Variants in TATDN1 observed in about 807,000 individuals in gnomAD.
The protein encoded by TATDN1 is deoxyribonuclease TATDN1.
TATDN1 carries 40 observed loss-of-function variants against 46.4 expected under a neutral mutation model. The observed-to-expected ratio is 0.86, with a 90% CI of 0.67 to 1.12. The LOEUF (loss-of-function observed/expected upper bound fraction) is 1.12. TATDN1 is among the 50% of genes most tolerant of loss of function. The pLI is 0.00. For missense variants in TATDN1, 326 were observed against 348.4 expected, an observed-to-expected ratio of 0.94 and a Z score of 0.51; for synonymous variants, 95 against 105.6, an observed-to-expected ratio of 0.90 and a Z score of 0.62.
At chr8:124,493,800 T>C (rs772326249) in intron 11 of TATDN1, 33 bp downstream of exon 11, 5 of 1,565,824 alleles carry the variant, frequency 3.2e-6, no homozygotes, top group Non-Finnish European at 3.4e-6. Context: ...GGTTAACTAA[T>C]GATTTTGAAG....
intron 1 of TATDN1, among the ~76,000 whole-genome samples, chr8:124,533,530 G>A (rs1001021832): frequency 6.6e-6 from 1 of 152,120 alleles, no homozygotes; most frequent in Non-Finnish European, 1.5e-5. Context: ...CTGTCATGGT[G>A]AAACTGCAAA....
intron 1 of TATDN1, among the ~76,000 whole-genome samples, chr8:124,524,168 ACACAC>A (rs939204340): frequency 2.6e-5 from 4 of 152,160 alleles, no homozygotes; most frequent in African/African-American, 9.7e-5. Flanking sequence ...CACCAATAAG[ACACAC>A]CTTGAAAGTG....
chr8:124,510,063 A>G (rs940014235), intron 6 of TATDN1, among the ~76,000 whole-genome samples: 1 of 151,998 alleles, frequency 6.6e-6, no homozygotes, highest in Non-Finnish European at 1.5e-5. Context: ...AATTAAAAAA[A>G]TAGAAATAGT....
At position 124,533,209 on chromosome 8, in the gene TATDN1, G is replaced by A. The variant is rs572387260; in HGVS notation, c.22+5816C>T. 5.3e-5 allele frequency among the ~76,000 whole-genome samples: 8 copies of A among 151,092 alleles called. No homozygotes were observed. In the South Asian group the frequency reaches 1.7e-3, roughly 32 times the overall value. On this transcript the variant is annotated intron_variant, in intron 1 of 11. Transcript: ENST00000276692. ...GGAGCTTGCAGTGAGCCAAGATGGC[G>A]CCACTGCACTACAGCCTGGGCGACA...
chr8:124,507,965 G>A (rs1294648080), intron 8 of TATDN1, among the ~76,000 whole-genome samples: 3 of 152,112 alleles, frequency 2.0e-5, no homozygotes, highest in Non-Finnish European at 4.4e-5. Flanking sequence ...GTCTTTCAAA[G>A]GATGGGAAAA....
In TATDN1 at chr8:124,533,035, G is replaced by A. The variant is rs771989794; in HGVS notation, c.22+5990C>T. Among the ~76,000 whole-genome samples the A allele has an allele frequency of 2.6e-5, 4 of 152,136 alleles. No homozygotes were observed. In the South Asian group the frequency reaches 6.2e-4, roughly 24 times the overall value. On this transcript the variant is annotated intron_variant, in intron 1 of 11. Coordinates refer to ENST00000276692, the MANE Select transcript of TATDN1 (RefSeq NM_032026.4). Reference sequence around the variant, plus strand: ...TAGGAGGCCGAGGTGGGCAGATGACGAGGTCAGGAGATCGAGACCGTCCTG... The same window carrying A: ...TAGGAGGCCGAGGTGGGCAGATGACAAGGTCAGGAGATCGAGACCGTCCTG...
At chr8:124,517,281 A>G (rs955481555) in intron 4 of TATDN1, among the ~76,000 whole-genome samples, 2 of 152,056 alleles carry the variant, frequency 1.3e-5, no homozygotes, top group African/African-American at 2.4e-5. Context: ...TACAAAAATT[A>G]GCTGGGTGTG....
chr8:124,535,504 A>C (rs1821355984), intron 1 of TATDN1, among the ~76,000 whole-genome samples: 1 of 152,150 alleles, frequency 6.6e-6, no homozygotes, highest in African/African-American at 2.4e-5. Flanking sequence ...CAACAGGAAA[A>C]ATTTGAGTAT....
intron 9 of TATDN1, among the ~76,000 whole-genome samples, chr8:124,496,174 A>C (rs1478897849): frequency 6.6e-6 from 1 of 152,252 alleles, no homozygotes; most frequent in Non-Finnish European, 1.5e-5. Context: ...ATATTACTTT[A>C]AAAACACAAT....
chr8:124,505,688 A>G (rs1372330171), intron 8 of TATDN1, among the ~76,000 whole-genome samples: 1 of 152,052 alleles, frequency 6.6e-6, no homozygotes, highest in Non-Finnish European at 1.5e-5. Flanking sequence ...CAAAAACAAC[A>G]TATAACAACA....
intron 1 of TATDN1, among the ~76,000 whole-genome samples, chr8:124,525,479 T>C (rs150254553): frequency 3.3e-5 from 5 of 152,262 alleles, no homozygotes; most frequent in African/African-American, 1.2e-4. Context: ...CTCGCACTGC[T>C]GGCCCAGATA....
At position 124,493,931 on chromosome 8, in the gene TATDN1, T is replaced by C. The variant is rs777790760; in HGVS notation, c.693A>G (p.Thr231=). Residue 231 remains threonine (T), a synonymous_variant, in exon 11 of 12, where the codon ACA becomes ACG. Coordinates refer to ENST00000276692, the MANE Select transcript of TATDN1 (RefSeq NM_032026.4). Reference sequence around the variant, plus strand: ...TTCTTATATATTTTGATCCAGCATGTGTACTTTTGACTCCACACCAAGGTG... The same window carrying C: ...TTCTTATATATTTTGATCCAGCATGCGTACTTTTGACTCCACACCAAGGTG... The part of the protein sequence containing the change: ...TDAPWCGVKS[T]HAGSKYIRTA... 3.7e-6 allele frequency: 6 copies of C among 1,612,592 alleles called. No homozygotes were observed. The highest frequency in any genetic ancestry group is 5.1e-6 in the Non-Finnish European group (6 of 1,179,766).
intron 9 of TATDN1, among the ~76,000 whole-genome samples, chr8:124,498,025 T>C (rs745987876): frequency 6.6e-6 from 1 of 152,226 alleles, no homozygotes; most frequent in African/African-American, 2.4e-5. Flanking sequence ...TCATATTTCA[T>C]GTCTGTAACA....
rs184580766 is a variant in TATDN1 at position 124,533,048 on chromosome 8, C to T, written c.22+5977G>A. The stretch of plus-strand genomic sequence containing the variant: ...TGGGCAGATGACGAGGTCAGGAGAT[C>T]GAGACCGTCCTGGCTAACACGGTAA... On this transcript the variant is annotated intron_variant, in intron 1 of 11. Transcript: ENST00000276692. Among the ~76,000 whole-genome samples, 71 of 152,172 alleles carry T rather than the reference C, an allele frequency of 4.7e-4. 1 individual carries two copies. Among genetic ancestry groups the T allele is most frequent in the Middle Eastern group, 3.4e-3 (1 of 294 alleles).
At position 124,518,807 on chromosome 8, in the gene TATDN1, TATG is replaced by T; in HGVS notation, c.202+8_202+10del. On this transcript the variant is annotated splice_region_variant and intron_variant, in intron 4 of 11. Transcript: ENST00000276692. ...TTCATTTTTTTTTTGGTAAAAGAAATATGAGGATACCATTTGTTTGTGCCAAAT... is the reference window on the plus strand; with the variant it reads ...TTCATTTTTTTTTTGGTAAAAGAAATAGGATACCATTTGTTTGTGCCAAAT... 6.3e-7 allele frequency: 1 copy of T among 1,598,852 alleles called. No individual in the cohort carries two copies. The highest frequency in any genetic ancestry group is 1.1e-5 in the South Asian group (1 of 89,988).
intron 11 of TATDN1, 174 bp from the exon 12 acceptor site, chr8:124,488,870 G>C: frequency 1.7e-6 from 1 of 576,758 alleles, no homozygotes. Flanking sequence ...CCAGTAACTG[G>C]AAACAGATTT....
chr8:124,492,830 T>A (rs1213149238), intron 11 of TATDN1, among the ~76,000 whole-genome samples: 1 of 152,098 alleles, frequency 6.6e-6, no homozygotes, highest in African/African-American at 2.4e-5. Context: ...CTTTATTTTT[T>A]AAAATTTTCT....
At chr8:124,514,790 T>G (rs1404336601) in intron 6 of TATDN1, among the ~76,000 whole-genome samples, 1 of 152,202 alleles carries the variant, frequency 6.6e-6, no homozygotes, top group East Asian at 1.9e-4. Context: ...TTACAGGAAG[T>G]CCTGCAGGGT....
At chr8:124,531,716 G>A (rs1292029254) in intron 1 of TATDN1, among the ~76,000 whole-genome samples, 1 of 152,152 alleles carries the variant, frequency 6.6e-6, no homozygotes, top group African/African-American at 2.4e-5. Flanking sequence ...CCCTAGGGGA[G>A]AGGAAATTGT....
Sources: gnomAD v4.1 joint callset for allele counts (sites outside exome capture counted in the v4.1 genomes callset) on GRCh38, gnomAD v4.1.1 for gene constraint, MANE v1.5 for transcripts, NCBI Gene and HGNC (gene_info 2026-07-23, HGNC 2026-07-21) for gene names.